Variants in PLAAT4 observed in about 807,000 individuals in gnomAD.
PLAAT4 encodes HRAS-like suppressor 4.
Under a neutral mutation model 14.1 loss-of-function variants are expected in PLAAT4, and 12 were observed. The observed-to-expected ratio is 0.85, with a 90% CI of 0.54 to 1.37. PLAAT4 has a LOEUF of 1.37. Among genes scored for constraint, PLAAT4 ranks in the 40% most tolerant of loss-of-function variants. The pLI is 0.00. For synonymous variants in PLAAT4, 77 were observed against 79.8 expected, an observed-to-expected ratio of 0.96 and a Z score of 0.19; for missense variants, 163 against 211.7, an observed-to-expected ratio of 0.77 and a Z score of 1.43.
intron 2 of PLAAT4, 136 bp from the exon 3 acceptor site, chr11:63,544,485 A>T: frequency 1.6e-6 from 2 of 1,218,930 alleles, no homozygotes; most frequent in Non-Finnish European, 1.1e-6. Flanking sequence ...ATCAAAATAA[A>T]AAAAAAAAGC....
At chr11:63,536,928 C>A (rs572631974) in intron 1 of PLAAT4, 51 bp downstream of exon 1, 1 of 1,596,708 alleles carries the variant, frequency 6.3e-7, no homozygotes, top group Middle Eastern at 1.7e-4. Flanking sequence ...TTGGGCAGCT[C>A]CCCCTAGGAA....
chr11:63,546,000 G>A, intron 3 of PLAAT4, 149 bp from the exon 4 acceptor site: 1 of 717,992 alleles, frequency 1.4e-6, no homozygotes, highest in Non-Finnish European at 2.4e-6. Context: ...AGGATTCTGA[G>A]CCAGCCAGCT....
At chr11:63,542,583 T>C (rs894490300) in intron 2 of PLAAT4, among the ~76,000 whole-genome samples, 4 of 152,226 alleles carry the variant, frequency 2.6e-5, no homozygotes, top group Non-Finnish European at 5.9e-5. Context: ...GCTTCTCAAA[T>C]ATCTGGATTT....
chr11:63,538,385 C>A, intron 1 of PLAAT4: 1 of 378,166 alleles, frequency 2.6e-6, no homozygotes, highest in Non-Finnish European at 5.3e-6. Context: ...GTGGGGGTCA[C>A]AGAGGCAGGC....
In PLAAT4 at chr11:63,546,236, C is replaced by T; in HGVS notation, c.475C>T (p.Gln159Ter). ...AGCSFAIRRY[Q>*]KKATA Reference sequence around the variant, plus strand: ...ATGCTCTTTTGCGATTAGGAGATACCAAAAAAAAGCGACAGCCTGAAGCAG... The same window carrying T: ...ATGCTCTTTTGCGATTAGGAGATACTAAAAAAAAGCGACAGCCTGAAGCAG... Residue 159 changes from glutamine to a stop codon, truncating the protein, a stop_gained, in exon 4 of 4, where the codon CAA (glutamine) becomes TAA (stop). Coordinates refer to ENST00000255688, the MANE Select transcript of PLAAT4 (RefSeq NM_004585.5). LOFTEE classifies it high-confidence loss of function. The T allele has an allele frequency of 6.8e-7, 1 of 1,462,634 alleles. No homozygotes were observed. The allele number at this position is 1,462,634 out of a possible 1,614,324, so 90.6% of individuals were successfully genotyped here.
intron 1 of PLAAT4, among the ~76,000 whole-genome samples, chr11:63,537,456 C>T (rs570433445): frequency 2.1e-4 from 32 of 152,226 alleles, no homozygotes; most frequent in Admixed American, 9.8e-4. Context: ...AAAGGAACAG[C>T]GGGGCTCAGG....
At chr11:63,541,600 C>T (rs2017322320) in intron 2 of PLAAT4, among the ~76,000 whole-genome samples, 2 of 147,004 alleles carry the variant, frequency 1.4e-5, no homozygotes, top group South Asian at 4.3e-4. Flanking sequence ...GATGTGATTA[C>T]AGCTCACTGC....
rs1224455630 is a variant in PLAAT4 at position 63,539,608 on chromosome 11, C to T, written c.102C>T (p.Ile34=). Residue 34 remains isoleucine, a synonymous_variant, in exon 2 of 4, where the codon ATC becomes ATT. Transcript: ENST00000255688. ...WALYIGDGYV[I]HLAPPSEYPG... is the part of the protein sequence containing the mutation. ...TGTATATAGGAGATGGCTACGTGATCCATCTGGCTCCTCCAAGTAAGGACT... is the reference window on the plus strand; with the variant it reads ...TGTATATAGGAGATGGCTACGTGATTCATCTGGCTCCTCCAAGTAAGGACT... 2 of 1,608,988 alleles carry T rather than the reference C, an allele frequency of 1.2e-6. No individual in the cohort carries two copies. Among genetic ancestry groups the T allele is most frequent in the South Asian group, 1.1e-5 (1 of 90,950 alleles).
At chr11:63,543,581 A>G (rs1008120462) in intron 2 of PLAAT4, among the ~76,000 whole-genome samples, 1 of 152,278 alleles carries the variant, frequency 6.6e-6, no homozygotes, top group Non-Finnish European at 1.5e-5. Flanking sequence ...CTGGGATTAC[A>G]GGCATGAGCC....
intron 1 of PLAAT4, chr11:63,538,460 C>A: frequency 6.2e-6 from 2 of 323,788 alleles, no homozygotes; most frequent in Admixed American, 4.0e-5. Context: ...GGAGAAGCTT[C>A]CGGAGTCCAC....
chr11:63,542,889 A>G (rs528177706), intron 2 of PLAAT4, among the ~76,000 whole-genome samples: 1 of 152,338 alleles, frequency 6.6e-6, no homozygotes, highest in Non-Finnish European at 1.5e-5. Context: ...CAGTGTATGT[A>G]AAACAATGCT....
chr11:63,538,127 C>T lies in PLAAT4; in HGVS notation c.9+1250C>T, dbSNP rs557760820. The stretch of plus-strand genomic sequence containing the variant: ...ACCAGATGTGCAGAGCAGCAGAGAC[C>T]AGAGCCAGGGCAGTAGTGAGGGGCT... On this transcript the variant is annotated intron_variant, in intron 1 of 3. Transcript: ENST00000255688. 3.3e-5 allele frequency among the ~76,000 whole-genome samples: 5 copies of T among 152,108 alleles called. No homozygotes were observed. The South Asian group carries it at 1.0e-3, about 32-fold the overall frequency.
intron 2 of PLAAT4, 27 bp from the exon 3 acceptor site, chr11:63,544,594 T>C (rs1040236431): frequency 3.1e-6 from 5 of 1,598,598 alleles, no homozygotes; most frequent in Non-Finnish European, 4.3e-6. Flanking sequence ...CACCTTCCCC[T>C]GCCAGTGAGA....
intron 1 of PLAAT4, among the ~76,000 whole-genome samples, chr11:63,537,373 T>G (rs1330701528): frequency 1.3e-5 from 2 of 152,068 alleles, no homozygotes; most frequent in Non-Finnish European, 2.9e-5. Flanking sequence ...AAATTTCTCC[T>G]CCTATCAGCC....
At chr11:63,540,153 C>G (rs1590663427) in intron 2 of PLAAT4, among the ~76,000 whole-genome samples, 1 of 152,236 alleles carries the variant, frequency 6.6e-6, no homozygotes, top group African/African-American at 2.4e-5. Flanking sequence ...CGCAGCGAAG[C>G]TGGGCTGCTT....
chr11:63,546,236 C>CA lies in PLAAT4; in HGVS notation c.483dup (p.Ala162SerfsTer55), dbSNP rs745860467. 1.1e-4 allele frequency: 167 copies of CA among 1,462,396 alleles called. 1 individual carries two copies. Among genetic ancestry groups the CA allele is most frequent in the Middle Eastern group, 3.6e-4 (2 of 5,544 alleles). The allele number at this position is 1,462,396 out of a possible 1,614,324, so 90.6% of individuals were successfully genotyped here. A position where few individuals can be genotyped will look rare whatever the true frequency, so the allele number is the denominator to read the frequency against. ...ATGCTCTTTTGCGATTAGGAGATACCAAAAAAAAGCGACAGCCTGAAGCAG... is the reference window on the plus strand; with the variant it reads ...ATGCTCTTTTGCGATTAGGAGATACCAAAAAAAAAGCGACAGCCTGAAGCAG... On this transcript the variant is annotated frameshift_variant, in exon 4 of 4. Coordinates refer to ENST00000255688, the MANE Select transcript of PLAAT4 (RefSeq NM_004585.5). LOFTEE classifies it high-confidence loss of function.
intron 2 of PLAAT4, 153 bp from the exon 3 acceptor site, chr11:63,544,468 A>G: frequency 1.1e-6 from 1 of 945,752 alleles, no homozygotes; most frequent in South Asian, 1.6e-5. Flanking sequence ...CAACAGAGTG[A>G]GACTCCATCA....
At chr11:63,538,683 G>C (rs776804886) in intron 1 of PLAAT4, among the ~76,000 whole-genome samples, 1 of 152,130 alleles carries the variant, frequency 6.6e-6, no homozygotes, top group African/African-American at 2.4e-5. Context: ...AGGTGAGGAA[G>C]GGGAAGAAGG....
At chr11:63,539,146 G>C (rs1278719731) in intron 1 of PLAAT4, among the ~76,000 whole-genome samples, 2 of 152,172 alleles carry the variant, frequency 1.3e-5, no homozygotes, top group African/African-American at 4.8e-5. Flanking sequence ...TCCCAGCCTT[G>C]CTCCTGGCCT....
Sources: gnomAD v4.1 joint callset for allele counts (sites outside exome capture counted in the v4.1 genomes callset) on GRCh38, gnomAD v4.1.1 for gene constraint, MANE v1.5 for transcripts, NCBI Gene and HGNC (gene_info 2026-07-23, HGNC 2026-07-21) for gene names.